Variants in ATPAF2 observed in about 807,000 individuals in gnomAD.
ATPAF2 encodes ATP12 homolog.
Under a neutral mutation model 36.6 loss-of-function variants are expected in ATPAF2, and 30 were observed. The ratio of observed to expected loss-of-function variants is 0.82; its 90% confidence interval spans 0.61 to 1.11. ATPAF2 has a LOEUF of 1.11. Ranked by LOEUF, ATPAF2 falls within the 50% of genes most tolerant of loss-of-function variation. ATPAF2 has a pLI of 0.00. For missense variants in ATPAF2, 321 were observed against 372.3 expected (o/e 0.86, Z 1.13); for synonymous variants, 140 against 152.6 (o/e 0.92, Z 0.61).
At chr17:18,026,448 G>A in intron 3 of ATPAF2, 32 bp from the exon 4 acceptor site, 1 of 1,564,944 alleles carries the variant, frequency 6.4e-7, no homozygotes, top group Non-Finnish European at 8.8e-7. Context: ...CCCTGTCACT[G>A]CCTGCGGGGC....
At chr17:18,021,358 A>AT in intron 6 of ATPAF2, 120 bp from the exon 7 acceptor site, 1 of 788,526 alleles carries the variant, frequency 1.3e-6, no homozygotes, top group East Asian at 2.7e-5. Context: ...CCATCCAGCG[A>AT]TTGTCCCACT....
At chr17:18,035,568 T>C (rs530356295) in intron 1 of ATPAF2, among the ~76,000 whole-genome samples, 19 of 152,378 alleles carry the variant, frequency 1.2e-4, no homozygotes, top group Middle Eastern at 3.4e-3. Context: ...AAAAAAATCC[T>C]TCAGGCCAAA....
intron 7 of ATPAF2, 166 bp downstream of exon 7, chr17:18,020,957 G>T: frequency 1.4e-6 from 2 of 1,431,434 alleles, no homozygotes; most frequent in South Asian, 2.9e-5. Flanking sequence ...CACCATGCCA[G>T]GCCTACTTGA....
In ATPAF2 at chr17:18,038,996, G is replaced by C. The variant is rs1398061852; in HGVS notation, c.18C>G (p.Leu6=). MWRSC[L]RLRDGGRRLL... is the part of the protein sequence containing the mutation. ...GACGGCGTCCCCCGTCCCGCAGCCG[G>C]AGGCAGCTCCTCCACATCGCGCCCG... The change falls in exon 1 of 8, where the codon CTC becomes CTG. Residue 6 remains leucine (L), a synonymous_variant. Coordinates refer to ENST00000474627, the MANE Select transcript of ATPAF2 (RefSeq NM_145691.4). 6.2e-7 allele frequency: 1 copy of C among 1,609,186 alleles called. No individual in the cohort carries two copies. Among genetic ancestry groups the C allele is most frequent in the East Asian group, 2.2e-5 (1 of 44,648 alleles).
chr17:18,017,331 G>C (rs540702431), downstream of ATPAF2, among the ~76,000 whole-genome samples: 151 of 152,248 alleles, frequency 9.9e-4, no homozygotes, highest in African/African-American at 3.6e-3. Context: ...AGTCAGACAC[G>C]TGCCCCTGCC....
At chr17:18,015,600 A>T, downstream of ATPAF2, 2 of 156,514 alleles carry the variant, frequency 1.3e-5, no homozygotes, top group Admixed American at 6.2e-5. Context: ...TGGAGAGACA[A>T]CTGTGGGGTG....
chr17:18,018,924 C>A (rs1436934096), intron 7 of ATPAF2, among the ~76,000 whole-genome samples: 3 of 152,136 alleles, frequency 2.0e-5, no homozygotes, highest in Non-Finnish European at 4.4e-5. Context: ...CTGCTTGAAT[C>A]CAGGAGTTCA....
chr17:18,017,049 G>A (rs564679908), downstream of ATPAF2, among the ~76,000 whole-genome samples: 38 of 151,848 alleles, frequency 2.5e-4, no homozygotes, highest in African/African-American at 9.2e-4. Flanking sequence ...GCGTGCACCT[G>A]TAATCCCAGC....
At chr17:18,032,320 C>A (rs1323756417) in intron 1 of ATPAF2, among the ~76,000 whole-genome samples, 2 of 152,232 alleles carry the variant, frequency 1.3e-5, no homozygotes, top group Non-Finnish European at 2.9e-5. Flanking sequence ...AGCCAGGTTT[C>A]CCAAGAGGGA....
At chr17:18,035,270 A>C (rs548095909) in intron 1 of ATPAF2, among the ~76,000 whole-genome samples, 2 of 152,126 alleles carry the variant, frequency 1.3e-5, no homozygotes, top group Non-Finnish European at 2.9e-5. Flanking sequence ...ACTTTAAAAC[A>C]TTATGCTAAG....
At chr17:18,033,357 G>A (rs1277947814) in intron 1 of ATPAF2, among the ~76,000 whole-genome samples, 4 of 139,270 alleles carry the variant, frequency 2.9e-5, no homozygotes, top group Non-Finnish European at 6.1e-5. Flanking sequence ...ATGAGACTCT[G>A]TCTCAAAAAA....
intron 1 of ATPAF2, among the ~76,000 whole-genome samples, chr17:18,032,836 ATTT>A (rs562389150): frequency 4.3e-5 from 6 of 139,896 alleles, no homozygotes; most frequent in East Asian, 4.1e-4. Flanking sequence ...GATTGATTCA[ATTT>A]TTTTTTTTTT....
downstream of ATPAF2, among the ~76,000 whole-genome samples, chr17:18,017,386 G>A (rs1317178597): frequency 6.6e-6 from 1 of 152,162 alleles, no homozygotes; most frequent in Non-Finnish European, 1.5e-5. Context: ...ACAGGCAAAA[G>A]GAGGCCGGTG....
At chr17:18,032,030 G>A (rs982054005) in intron 1 of ATPAF2, among the ~76,000 whole-genome samples, 1 of 152,212 alleles carries the variant, frequency 6.6e-6, no homozygotes, top group Non-Finnish European at 1.5e-5. Flanking sequence ...GGTAGACCAT[G>A]TCCTTTGTGT....
In ATPAF2 at chr17:18,027,094, G is replaced by A. The variant is rs561147156; in HGVS notation, c.325-678C>T. On this transcript the variant is annotated intron_variant, in intron 3 of 7. Transcript: ENST00000474627. ...AAATTAGCCTGGCATGGTGGTGGACGTCTGTAATCCCAGCTGCTTGGGAGG... is the reference window on the plus strand; with the variant it reads ...AAATTAGCCTGGCATGGTGGTGGACATCTGTAATCCCAGCTGCTTGGGAGG... 7.2e-5 allele frequency among the ~76,000 whole-genome samples: 11 copies of A among 152,046 alleles called. No homozygotes were observed. The South Asian group carries it at 1.0e-3, about 14-fold the overall frequency.
At chr17:18,033,091 G>A (rs746915126) in intron 1 of ATPAF2, among the ~76,000 whole-genome samples, 4 of 152,040 alleles carry the variant, frequency 2.6e-5, no homozygotes, top group East Asian at 1.9e-4. Flanking sequence ...ATCTGGGGCC[G>A]GGCATGGTGG....
Position 18,024,714 on chromosome 17 carries a change from T to C in ATPAF2, c.423-10A>G. 6.2e-7 allele frequency: 1 copy of C among 1,608,948 alleles called. No homozygotes were observed. Among genetic ancestry groups the C allele is most frequent in the South Asian group, 1.1e-5 (1 of 91,000 alleles). On this transcript the variant is annotated splice_polypyrimidine_tract_variant and intron_variant, in intron 4 of 7. Coordinates refer to ENST00000474627, the MANE Select transcript of ATPAF2 (RefSeq NM_145691.4). Reference sequence around the variant, plus strand: ...CTCCTCCACCCTGTAGCTAATTCATTGTAAAAATAACCTTCATTAATAAAA... The same window carrying C: ...CTCCTCCACCCTGTAGCTAATTCATCGTAAAAATAACCTTCATTAATAAAA...
Position 18,018,166 on chromosome 17 carries a change from C to G in ATPAF2, c.*383G>C. 6.4e-6 allele frequency: 2 copies of G among 312,062 alleles called. No homozygotes were observed. The highest frequency in any genetic ancestry group is 1.2e-5 in the Non-Finnish European group (2 of 160,632). 19.3% of individuals were successfully genotyped at this position (312,062 alleles called of 1,614,324 possible). ...ACCACAGGCAGCAGATATCCAAACACGCCATGGGAGATAAGCTGTTTAACC... is the reference window on the plus strand; with the variant it reads ...ACCACAGGCAGCAGATATCCAAACAGGCCATGGGAGATAAGCTGTTTAACC... On this transcript the variant is annotated 3_prime_UTR_variant, in exon 8 of 8. Coordinates refer to ENST00000474627, the MANE Select transcript of ATPAF2 (RefSeq NM_145691.4).
intron 7 of ATPAF2, among the ~76,000 whole-genome samples, chr17:18,020,468 C>T (rs113983184): frequency 0.016 from 2,472 of 152,320 alleles, 24 homozygotes; most frequent in Middle Eastern, 0.027. Context: ...TGAGGCCTGA[C>T]GGCCTTGGCC....
Sources: gnomAD v4.1 joint callset for allele counts (sites outside exome capture counted in the v4.1 genomes callset) on GRCh38, gnomAD v4.1.1 for gene constraint, MANE v1.5 for transcripts, NCBI Gene and HGNC (gene_info 2026-07-23, HGNC 2026-07-21) for gene names.